TOM1L2: variants seen among roughly 807,000 people sequenced by gnomAD.
TOM1L2 encodes TOM1-like protein 2.
TOM1L2 carries 31 observed loss-of-function variants against 67.9 expected under a neutral mutation model. That is an observed-to-expected ratio of 0.46 (90% CI 0.34 to 0.62). TOM1L2 has a LOEUF of 0.62. TOM1L2 is among the 20% of genes least tolerant of loss of function. The probability of loss-of-function intolerance (pLI) is 0.01; values close to 1 mark genes in which losing one functional copy is unlikely to be tolerated. For synonymous variants in TOM1L2, 256 were observed against 254.0 expected (o/e 1.01, Z -0.07); for missense variants, 606 against 663.5 (o/e 0.91, Z 0.95).
At chr17:17,878,168 G>A (rs1308850011) in intron 7 of TOM1L2, among the ~76,000 whole-genome samples, 1 of 152,256 alleles carries the variant, frequency 6.6e-6, no homozygotes, top group Non-Finnish European at 1.5e-5. Context: ...GGAGGCCAAT[G>A]ACAATGCATT....
chr17:17,938,929 A>C (rs1342705528), intron 1 of TOM1L2, among the ~76,000 whole-genome samples: 2 of 152,144 alleles, frequency 1.3e-5, no homozygotes, highest in Non-Finnish European at 1.5e-5. Flanking sequence ...CGCCCAGAGA[A>C]GCTAAATGAC....
intron 12 of TOM1L2, chr17:17,851,350 C>G (rs1332917538): frequency 1.6e-5 from 5 of 308,350 alleles, no homozygotes; most frequent in Non-Finnish European, 3.2e-5. Context: ...GCCACTATGA[C>G]AGTCCGCTGT....
chr17:17,920,174 G>A (rs553148438), intron 1 of TOM1L2, among the ~76,000 whole-genome samples: 2 of 151,880 alleles, frequency 1.3e-5, no homozygotes, highest in African/African-American at 4.8e-5. Flanking sequence ...GCTGGTGAAA[G>A]TGTCAAGTTA....
chr17:17,945,060 C>G (rs1336763751), intron 1 of TOM1L2, among the ~76,000 whole-genome samples: 2 of 152,186 alleles, frequency 1.3e-5, no homozygotes, highest in Non-Finnish European at 2.9e-5. Context: ...TTAATCAGGG[C>G]CGTGGACACC....
At chr17:17,890,588 GA>G (rs2038224935) in intron 4 of TOM1L2, among the ~76,000 whole-genome samples, 1 of 152,150 alleles carries the variant, frequency 6.6e-6, no homozygotes, top group Non-Finnish European at 1.5e-5. Context: ...CAATGGCAAC[GA>G]AAGACCTAGA....
chr17:17,858,114 G>C (rs574457360), intron 12 of TOM1L2: 46 of 342,726 alleles, frequency 1.3e-4, no homozygotes, highest in South Asian at 8.8e-4. Context: ...GGAGATCACA[G>C]AAGGTTGACC....
rs1373593020 is a variant in TOM1L2, at chr17:17,952,382, T to C, written c.52+19880A>G. On this transcript the variant is annotated intron_variant, in intron 1 of 14. Coordinates refer to ENST00000379504, the MANE Select transcript of TOM1L2 (RefSeq NM_001082968.2). ...GTAAGTGCTTCTTTATTTTCTTTTT[T>C]TTTTTTTTTTTTTTTTTTTTTTTTT... Among the ~76,000 whole-genome samples the C allele has an allele frequency of 6.7e-4, 21 of 31,360 alleles. 1 individual carries two copies. The highest frequency in any genetic ancestry group is 1.5e-3 in the African/African-American group (7 of 4,538). 20.6% of individuals were successfully genotyped at this position (31,360 alleles called of 152,430 possible). A position where few individuals can be genotyped will look rare whatever the true frequency, so the allele number is the denominator to read the frequency against.
At chr17:17,898,428 G>T (rs1278380758) in intron 3 of TOM1L2, among the ~76,000 whole-genome samples, 168 bp downstream of exon 3, 2 of 152,182 alleles carry the variant, frequency 1.3e-5, no homozygotes, top group African/African-American at 4.8e-5. Context: ...CAGAGGACAG[G>T]AAAACCCAAA....
chr17:17,953,298 A>T (rs1038850151), intron 1 of TOM1L2, among the ~76,000 whole-genome samples: 3 of 152,182 alleles, frequency 2.0e-5, no homozygotes, highest in African/African-American at 7.2e-5. Flanking sequence ...ATAAATAAAT[A>T]AAGGTAAATG....
intron 1 of TOM1L2, among the ~76,000 whole-genome samples, chr17:17,913,821 G>A (rs1220856034): frequency 2.0e-5 from 3 of 152,186 alleles, no homozygotes; most frequent in African/African-American, 4.8e-5. Flanking sequence ...CTGCTAAACC[G>A]AACTTGGAAA....
rs9910488 is a variant in TOM1L2, at chr17:17,904,735, C to T, written c.137+2712G>A. On this transcript the variant is annotated intron_variant, in intron 2 of 14. Coordinates refer to ENST00000379504, the MANE Select transcript of TOM1L2 (RefSeq NM_001082968.2). ...TTTCCAGCCGGATTCCAGACCCTCCCGCTCCCCCAATGTCACCCTGTCTAT... is the reference window on the plus strand; with the variant it reads ...TTTCCAGCCGGATTCCAGACCCTCCTGCTCCCCCAATGTCACCCTGTCTAT... 9.3e-3 allele frequency among the ~76,000 whole-genome samples: 1,418 copies of T among 152,258 alleles called. 20 individuals carry two copies. The highest frequency in any genetic ancestry group is 0.03 in the African/African-American group (1,249 of 41,538).
intron 1 of TOM1L2, among the ~76,000 whole-genome samples, chr17:17,945,529 C>A (rs2040908182): frequency 1.3e-5 from 2 of 152,164 alleles, no homozygotes; most frequent in Admixed American, 6.5e-5. Flanking sequence ...AAAAGATAGA[C>A]CCTCTCTTAG....
At chr17:17,951,147 T>C (rs958496121) in intron 1 of TOM1L2, among the ~76,000 whole-genome samples, 1 of 152,092 alleles carries the variant, frequency 6.6e-6, no homozygotes, top group Non-Finnish European at 1.5e-5. Flanking sequence ...ATCAGCCTCA[T>C]CCATAAATCC....
At chr17:17,894,975 A>ATGCATGCATGCATGCATGCATG (rs1555598777) in intron 3 of TOM1L2, among the ~76,000 whole-genome samples, 82 of 147,776 alleles carry the variant, frequency 5.5e-4, no homozygotes, top group Non-Finnish European at 2.4e-4. Context: ...ATACATACAT[A>ATGCATGCATGCATGCATGCATG]CATGCATGCA....
intron 3 of TOM1L2, among the ~76,000 whole-genome samples, chr17:17,896,997 C>T (rs1038521557): frequency 2.0e-5 from 3 of 152,178 alleles, no homozygotes; most frequent in Admixed American, 1.3e-4. Flanking sequence ...CTCCCAAAGG[C>T]ATGGCTGGGT....
At chr17:17,949,566 GCT>G (rs2041098634) in intron 1 of TOM1L2, among the ~76,000 whole-genome samples, 1 of 152,264 alleles carries the variant, frequency 6.6e-6, no homozygotes, top group East Asian at 1.9e-4. Context: ...GAAGACAGTG[GCT>G]CTCTGGTCAG....
rs60388742 is a variant in TOM1L2, at chr17:17,952,376, C to CTTTTTTTTTTT, written c.52+19875_52+19885dup. ...TATACAGTAAGTGCTTCTTTATTTT[C>CTTTTTTTTTTT]TTTTTTTTTTTTTTTTTTTTTTTTT... is the stretch of plus-strand genomic sequence containing the variant. On this transcript the variant is annotated intron_variant, in intron 1 of 14. Coordinates refer to ENST00000379504, the MANE Select transcript of TOM1L2 (RefSeq NM_001082968.2). 4.0e-3 allele frequency among the ~76,000 whole-genome samples: 322 copies of CTTTTTTTTTTT among 79,812 alleles called. 12 individuals carry two copies. Among genetic ancestry groups the CTTTTTTTTTTT allele is most frequent in the Non-Finnish European group, 6.7e-3 (254 of 37,648 alleles). The allele number at this position is 79,812 out of a possible 152,430, so 52.4% of individuals were successfully genotyped here. A position where few individuals can be genotyped will look rare whatever the true frequency, so the allele number is the denominator to read the frequency against.
chr17:17,950,441 G>C (rs1027373584), intron 1 of TOM1L2, among the ~76,000 whole-genome samples: 1 of 152,028 alleles, frequency 6.6e-6, no homozygotes, highest in Non-Finnish European at 1.5e-5. Flanking sequence ...TTACAGGCGT[G>C]AGTCACTATG....
At chr17:17,919,492 C>CA (rs2039763687) in intron 1 of TOM1L2, among the ~76,000 whole-genome samples, 2 of 152,336 alleles carry the variant, frequency 1.3e-5, no homozygotes, top group South Asian at 4.1e-4. Context: ...AGGAAGCCCC[C>CA]AAACTTGGCT....
Sources: allele counts gnomAD v4.1 joint callset (sites outside exome capture counted in the v4.1 genomes callset), GRCh38; gene constraint gnomAD v4.1.1; transcripts MANE v1.5; gene names NCBI Gene and HGNC (gene_info 2026-07-23, HGNC 2026-07-21).